PERP: variants seen among roughly 807,000 people sequenced by gnomAD.
The protein encoded by PERP is p53 apoptosis effector related to PMP-22.
A neutral mutation model predicts 20.3 loss-of-function variants in PERP; 11 were observed. The ratio of observed to expected loss-of-function variants is 0.54; its 90% CI spans 0.34 to 0.90. PERP has a LOEUF of 0.90. Among genes scored for constraint, PERP ranks in the 40% least tolerant of loss-of-function variants. The probability of loss-of-function intolerance (pLI) is 0.02; values close to 1 mark genes in which losing one functional copy is unlikely to be tolerated. For missense variants in PERP, 224 were observed against 249.4 expected (o/e 0.90, Z 0.69); for synonymous variants, 101 against 102.0 (o/e 0.99, Z 0.06).
intron 1 of PERP, among the ~76,000 whole-genome samples, chr6:138,097,815 C>A (rs1472270341): frequency 6.6e-6 from 1 of 152,190 alleles, no homozygotes; most frequent in Non-Finnish European, 1.5e-5. Context: ...ACTATATTCA[C>A]AGTGTTGTAC....
chr6:138,095,920 G>A (rs1775682007), intron 2 of PERP, among the ~76,000 whole-genome samples: 1 of 152,122 alleles, frequency 6.6e-6, no homozygotes, highest in South Asian at 2.1e-4. Flanking sequence ...ACCATTTCAG[G>A]ACCCACATCA....
chr6:138,106,095 A>G (rs1775836434), intron 1 of PERP, among the ~76,000 whole-genome samples: 2 of 152,218 alleles, frequency 1.3e-5, no homozygotes, highest in Admixed American at 1.3e-4. Flanking sequence ...TTCAAAGAAA[A>G]AAATCAAGTC....
rs997901160 is a variant in PERP at position 138,090,829 on chromosome 6, A to G, written c.*1213T>C. ...TTGGGAAAACTTCATAATGAAAACTACAATTAGCTTTTTCCACAACTTACA... is the reference window on the plus strand; with the variant it reads ...TTGGGAAAACTTCATAATGAAAACTGCAATTAGCTTTTTCCACAACTTACA... On this transcript the variant is annotated 3_prime_UTR_variant, in exon 3 of 3. Transcript: ENST00000421351. 1.3e-5 allele frequency: 2 copies of G among 152,652 alleles called. No homozygotes were observed. The highest frequency in any genetic ancestry group is 6.5e-5 in the Admixed American group (1 of 15,276). The allele number at this position is 152,652 out of a possible 1,614,324, so 9.5% of individuals were successfully genotyped here. A position where few individuals can be genotyped will look rare whatever the true frequency, so the allele number is the denominator to read the frequency against.
chr6:138,105,194 T>A (rs539127981), intron 1 of PERP, among the ~76,000 whole-genome samples: 2 of 152,308 alleles, frequency 1.3e-5, no homozygotes, highest in East Asian at 3.9e-4. Context: ...ATAACTAAAC[T>A]GAGTTGTTAA....
In PERP at chr6:138,088,583, G is replaced by A. The variant is rs768519907; in HGVS notation, c.*3459C>T. 3.9e-5 allele frequency: 6 copies of A among 152,140 alleles called. No homozygotes were observed. The highest frequency in any genetic ancestry group is 8.8e-5 in the Non-Finnish European group (6 of 68,034). 9.4% of individuals were successfully genotyped at this position (152,140 alleles called of 1,614,324 possible). A position where few individuals can be genotyped will look rare whatever the true frequency, so the allele number is the denominator to read the frequency against. On this transcript the variant is annotated 3_prime_UTR_variant, in exon 3 of 3. Coordinates refer to ENST00000421351, the MANE Select transcript of PERP (RefSeq NM_022121.5). ...CAACGAAGCACAGGATAGTACAAGT[G>A]GAAGATCATTAACATGACTGGATAG...
chr6:138,104,556 C>T (rs1192001326), intron 1 of PERP, among the ~76,000 whole-genome samples: 1 of 152,172 alleles, frequency 6.6e-6, no homozygotes, highest in Non-Finnish European at 1.5e-5. Context: ...TGTGTCTTTA[C>T]TACCAAAATG....
rs187937190 is a variant in PERP, at chr6:138,101,359, G to A, written c.215-4865C>T. ...CACTCTAGCCTGAGCAACAGAGGGAGACTCTGTCTCAAAAAAAAGTCAAGC... is the reference window on the plus strand; with the variant it reads ...CACTCTAGCCTGAGCAACAGAGGGAAACTCTGTCTCAAAAAAAAGTCAAGC... On this transcript the variant is annotated intron_variant, in intron 1 of 2. Transcript: ENST00000421351. 2.4e-3 allele frequency among the ~76,000 whole-genome samples: 373 copies of A among 152,264 alleles called. 4 individuals are homozygous for A. The highest frequency in any genetic ancestry group is 0.024 in the Middle Eastern group (7 of 294).
intron 1 of PERP, among the ~76,000 whole-genome samples, chr6:138,104,723 C>T (rs9494940): frequency 0.21 from 31,737 of 152,124 alleles, 3,916 homozygotes; most frequent in East Asian, 0.6. Context: ...ATTCTCTATA[C>T]GGAGATCTCA....
chr6:138,092,597 G>A (rs1286741573), intron 2 of PERP, among the ~76,000 whole-genome samples: 1 of 152,142 alleles, frequency 6.6e-6, no homozygotes, highest in Non-Finnish European at 1.5e-5. Context: ...ACAATAGAAA[G>A]CAGGACAGTA....
chr6:138,106,981 A>G, intron 1 of PERP, 146 bp downstream of exon 1: 2 of 668,470 alleles, frequency 3.0e-6, no homozygotes, highest in South Asian at 2.2e-5. Flanking sequence ...GGTCGGATGC[A>G]TGAGCCCGAG....
At chr6:138,103,844 AT>A (rs2114344666) in intron 1 of PERP, among the ~76,000 whole-genome samples, 1 of 152,328 alleles carries the variant, frequency 6.6e-6, no homozygotes, top group South Asian at 2.1e-4. Context: ...ACCTAAAACT[AT>A]TTCATGTAAT....
chr6:138,096,458 C>A lies in PERP; in HGVS notation c.251G>T (p.Gly84Val). ...GRAAAAMLFC[G>V]FIILVICFIL... is the part of the protein sequence containing the mutation. ...GAAACAGATCACCAGGATGATGAAG[C>A]CACAGAAGAGCATGGCAGCCGCTGC... Residue 84 changes from glycine to valine, a missense_variant, in exon 2 of 3, where the codon GGC becomes GTC. By Grantham distance (109) the Gly-to-Val change is moderately radical (BLOSUM62 -3). Transcript: ENST00000421351. 6.2e-7 allele frequency: 1 copy of A among 1,613,754 alleles called. No individual in the cohort carries two copies. Among genetic ancestry groups the A allele is most frequent in the African/African-American group, 1.3e-5 (1 of 75,016 alleles).
intron 1 of PERP, among the ~76,000 whole-genome samples, chr6:138,097,156 G>T (rs1301769817): frequency 6.6e-6 from 1 of 152,094 alleles, no homozygotes; most frequent in African/African-American, 2.4e-5. Context: ...AAAATGTATT[G>T]CACAAGAGAT....
Position 138,104,989 on chromosome 6 carries a change from A to T in PERP, c.214+2138T>A, listed in dbSNP as rs148702699. On this transcript the variant is annotated intron_variant, in intron 1 of 2. Transcript: ENST00000421351. The stretch of plus-strand genomic sequence containing the variant: ...AAACTAGACAATGTGCATGCAGGCG[A>T]TGAGACAGACGTATAATAAGCACTT... Among the ~76,000 whole-genome samples, 819 of 152,328 alleles carry T rather than the reference A, an allele frequency of 5.4e-3. 4 individuals are homozygous for T. Among genetic ancestry groups the T allele is most frequent in the African/African-American group, 0.019 (771 of 41,566 alleles).
At chr6:138,096,126 C>T (rs1468968132) in intron 2 of PERP, among the ~76,000 whole-genome samples, 1 of 152,128 alleles carries the variant, frequency 6.6e-6, no homozygotes, top group African/African-American at 2.4e-5. Context: ...TGTAGAGTGA[C>T]AATCCCTGTC....
chr6:138,103,081 A>G (rs1298520373), intron 1 of PERP, among the ~76,000 whole-genome samples: 3 of 144,832 alleles, frequency 2.1e-5, no homozygotes, highest in Non-Finnish European at 3.0e-5. Flanking sequence ...CCTGCGCGAC[A>G]GACCGAGACT....
chr6:138,105,710 A>G (rs1337769880), intron 1 of PERP, among the ~76,000 whole-genome samples: 1 of 152,228 alleles, frequency 6.6e-6, no homozygotes, highest in Non-Finnish European at 1.5e-5. Flanking sequence ...ATAATTATCA[A>G]AGTATGTTTA....
intron 1 of PERP, among the ~76,000 whole-genome samples, chr6:138,104,696 G>A (rs959260586): frequency 6.6e-6 from 1 of 152,186 alleles, no homozygotes; most frequent in African/African-American, 2.4e-5. Context: ...GTTTTTCAAA[G>A]TGGATGTACA....
chr6:138,107,126 C>T lies in PERP; in HGVS notation c.214+1G>A, dbSNP rs1361475592. The stretch of plus-strand genomic sequence containing the variant: ...CGACGGCGGCGGCGGCGGGCACTCA[C>T]CGTACTCCATGAGGCTCTGACAGCC... On this transcript the variant is annotated splice_donor_variant, in intron 1 of 2. Transcript: ENST00000421351. LOFTEE classifies it high-confidence loss of function. The surrounding 1 kb of genome is among the most constrained non-coding windows in gnomAD (Gnocchi z 4.8). 3.1e-6 allele frequency: 5 copies of T among 1,601,442 alleles called. No individual in the cohort carries two copies. Among genetic ancestry groups the T allele is most frequent in the Non-Finnish European group, 4.3e-6 (5 of 1,174,546 alleles).
Sources: allele counts gnomAD v4.1 joint callset (sites outside exome capture counted in the v4.1 genomes callset), GRCh38; gene constraint gnomAD v4.1.1; non-coding constraint Gnocchi (gnomAD v3.1); transcripts MANE v1.5; gene names NCBI Gene and HGNC (gene_info 2026-07-23, HGNC 2026-07-21).